The following PRKD1 variants were observed in gnomAD, a reference collection of about 807,000 sequenced individuals.
PRKD1 encodes the protein serine/threonine-protein kinase D1.
PRKD1 carries 63 observed loss-of-function variants against 95.9 expected under a neutral mutation model. That is an observed-to-expected ratio of 0.66 (90% CI 0.54 to 0.81). PRKD1 has a LOEUF of 0.81. Ranked by LOEUF, PRKD1 falls within the 30% of genes least tolerant of loss-of-function variation. PRKD1 has a pLI of 0.00. For missense variants in PRKD1, 1,048 were observed against 1,165.3 expected (o/e 0.90, Z 1.47); for synonymous variants, 425 against 423.1 (o/e 1.00, Z -0.05).
At chr14:29,666,287 A>G (rs1882503286) in intron 2 of PRKD1, 79 bp from the exon 3 acceptor site, 3 of 1,426,326 alleles carry the variant, frequency 2.1e-6, no homozygotes, top group Admixed American at 1.9e-5. Context: ...GATAATAAAT[A>G]TGCCAGTACG....
At chr14:29,746,428 G>T (rs1887220679) in intron 1 of PRKD1, among the ~76,000 whole-genome samples, 1 of 151,834 alleles carries the variant, frequency 6.6e-6, no homozygotes. Flanking sequence ...CCTTGGCTTG[G>T]AACATTCTTC....
intron 1 of PRKD1, among the ~76,000 whole-genome samples, chr14:29,874,063 T>C (rs1483921525): frequency 2.0e-5 from 3 of 152,240 alleles, no homozygotes; most frequent in Non-Finnish European, 4.4e-5. Context: ...ACTCTATTAA[T>C]GTATATTTCT....
chr14:29,838,033 A>G (rs535958781), intron 1 of PRKD1, among the ~76,000 whole-genome samples: 18 of 152,216 alleles, frequency 1.2e-4, no homozygotes, highest in Non-Finnish European at 2.4e-4. Flanking sequence ...GCACAGCACG[A>G]AACTGTACAG....
intron 13 of PRKD1, among the ~76,000 whole-genome samples, chr14:29,604,143 T>C (rs1382633887): frequency 6.6e-6 from 1 of 152,252 alleles, no homozygotes; most frequent in African/African-American, 2.4e-5. Flanking sequence ...TTTTTGTTTT[T>C]ACGTAATTCT....
chr14:29,765,529 A>G (rs1435196368), intron 1 of PRKD1, among the ~76,000 whole-genome samples: 2 of 152,316 alleles, frequency 1.3e-5, no homozygotes, highest in African/African-American at 2.4e-5. Flanking sequence ...CCACTCCTCC[A>G]TATACCCTAC....
chr14:29,703,330 G>A (rs1240135441), intron 2 of PRKD1, among the ~76,000 whole-genome samples: 3 of 152,226 alleles, frequency 2.0e-5, no homozygotes, highest in Non-Finnish European at 2.9e-5. Context: ...TAAGCCCTGC[G>A]CTGCACAGGG....
At chr14:29,812,287 C>G (rs956484741) in intron 1 of PRKD1, among the ~76,000 whole-genome samples, 15 of 152,120 alleles carry the variant, frequency 9.9e-5, no homozygotes, top group African/African-American at 3.6e-4. Flanking sequence ...TACAGGAAAT[C>G]ATTAGCAAAA....
chr14:29,741,921 G>A (rs1365017595), intron 1 of PRKD1, among the ~76,000 whole-genome samples: 8 of 151,670 alleles, frequency 5.3e-5, no homozygotes, highest in Non-Finnish European at 1.0e-4. Context: ...CATGTATTGT[G>A]CTAGAATCAA....
chr14:29,724,911 T>C (rs1310737621), intron 2 of PRKD1, among the ~76,000 whole-genome samples: 3 of 152,220 alleles, frequency 2.0e-5, no homozygotes, highest in Non-Finnish European at 2.9e-5. Flanking sequence ...TTAAATACAT[T>C]CTTTTTTTTC....
At chr14:29,796,361 T>G (rs186064591) in intron 1 of PRKD1, among the ~76,000 whole-genome samples, 143 of 152,288 alleles carry the variant, frequency 9.4e-4, no homozygotes, top group African/African-American at 3.1e-3. Flanking sequence ...CTTTATTGAT[T>G]CTTTTTTGTT....
intron 1 of PRKD1, among the ~76,000 whole-genome samples, chr14:29,836,269 C>A (rs1038534890): frequency 6.6e-6 from 1 of 152,132 alleles, no homozygotes; most frequent in African/African-American, 2.4e-5. Flanking sequence ...TTCTATCTGG[C>A]GAACTGTGAA....
chr14:29,775,291 C>G (rs1261913082), intron 1 of PRKD1, among the ~76,000 whole-genome samples: 3 of 152,176 alleles, frequency 2.0e-5, no homozygotes, highest in African/African-American at 4.8e-5. Flanking sequence ...GCTTGTCAGA[C>G]AGTGGGTGCA....
At chr14:29,678,508 T>A (rs144793725) in intron 2 of PRKD1, among the ~76,000 whole-genome samples, 92 of 152,276 alleles carry the variant, frequency 6.0e-4, no homozygotes, top group African/African-American at 2.0e-3. Flanking sequence ...CTGCTTGTGT[T>A]TGACAGAAAC....
At chr14:29,618,444 T>C (rs769862298) in intron 13 of PRKD1, among the ~76,000 whole-genome samples, 1 of 152,046 alleles carries the variant, frequency 6.6e-6, no homozygotes, top group African/African-American at 2.4e-5. Flanking sequence ...TTAGTAGACA[T>C]GGGGTTTCAC....
chr14:29,764,778 C>A (rs1317194327), intron 1 of PRKD1, among the ~76,000 whole-genome samples: 1 of 152,154 alleles, frequency 6.6e-6, no homozygotes, highest in Non-Finnish European at 1.5e-5. Context: ...TTAGATGGAA[C>A]AAAACCATTT....
chr14:29,712,408 G>T (rs1885377496), intron 2 of PRKD1, among the ~76,000 whole-genome samples: 1 of 152,074 alleles, frequency 6.6e-6, no homozygotes, highest in African/African-American at 2.4e-5. Context: ...AGAATAAGAT[G>T]AGACCCAGGG....
intron 1 of PRKD1, among the ~76,000 whole-genome samples, chr14:29,735,499 G>A (rs987053507): frequency 1.3e-5 from 2 of 152,178 alleles, no homozygotes; most frequent in African/African-American, 2.4e-5. Flanking sequence ...TGTTTGGGCT[G>A]GGGCGTGTAT....
intron 1 of PRKD1, among the ~76,000 whole-genome samples, chr14:29,771,828 T>G (rs1888521978): frequency 6.6e-6 from 1 of 152,240 alleles, no homozygotes; most frequent in African/African-American, 2.4e-5. Context: ...ACATGGAATC[T>G]AAGAAGATTA....
chr14:29,804,209 T>C (rs1192511204), intron 1 of PRKD1, among the ~76,000 whole-genome samples: 11 of 147,780 alleles, frequency 7.4e-5, no homozygotes. Context: ...GCCATTATAC[T>C]CCAGTATGGG....
Sources: allele counts gnomAD v4.1 joint callset (sites outside exome capture counted in the v4.1 genomes callset), GRCh38; gene constraint gnomAD v4.1.1; transcripts MANE v1.5; gene names NCBI Gene and HGNC (gene_info 2026-07-23, HGNC 2026-07-21).